DLG2: variants seen among roughly 807,000 people sequenced by gnomAD.
The protein encoded by DLG2 is discs large MAGUK scaffold protein 2.
DLG2 carries 45 observed loss-of-function variants against 132.5 expected under a neutral mutation model. The ratio of observed to expected loss-of-function variants is 0.34; its 90% CI spans 0.27 to 0.44. DLG2 has a LOEUF of 0.44. Among genes scored for constraint, DLG2 ranks in the 20% least tolerant of loss-of-function variants. The probability of loss-of-function intolerance (pLI) is 1.00; values close to 1 mark genes in which losing one functional copy is unlikely to be tolerated. For missense variants in DLG2, 1,045 were observed against 1,196.9 expected (o/e 0.87, Z 1.87); for synonymous variants, 424 against 419.6 (o/e 1.01, Z -0.13).
chr11:84,925,149 G>A (rs1018712919), intron 6 of DLG2, among the ~76,000 whole-genome samples: 6 of 152,134 alleles, frequency 3.9e-5, no homozygotes, highest in Non-Finnish European at 5.9e-5. Context: ...CTGGGAAAAT[G>A]AAATTTACCT....
chr11:83,850,160 G>GTGTGTTTTT (rs1452960432), intron 16 of DLG2, among the ~76,000 whole-genome samples: 7 of 124,304 alleles, frequency 5.6e-5, no homozygotes, highest in African/African-American at 2.5e-4. Flanking sequence ...GTGTGTGTGT[G>GTGTGTTTTT]TTTTTTTACT....
chr11:83,816,010 C>A (rs530448538), intron 17 of DLG2, among the ~76,000 whole-genome samples: 7 of 152,262 alleles, frequency 4.6e-5, no homozygotes, highest in Admixed American at 1.3e-4. Context: ...ATCACTGTGT[C>A]TAATTCCCTC....
At chr11:84,316,234 T>C (rs2098353484) in intron 7 of DLG2, among the ~76,000 whole-genome samples, 1 of 152,218 alleles carries the variant, frequency 6.6e-6, no homozygotes, top group Admixed American at 6.5e-5. Flanking sequence ...ATAAATTAAG[T>C]GCTTAATTCT....
rs141566006 is a variant in DLG2, at chr11:84,500,597, A to G, written c.519+33973T>C. 3.4e-3 allele frequency among the ~76,000 whole-genome samples: 519 copies of G among 152,310 alleles called. 3 individuals are homozygous for G. Among genetic ancestry groups the G allele is most frequent in the African/African-American group, 0.012 (499 of 41,562 alleles). On this transcript the variant is annotated intron_variant, in intron 7 of 27. Transcript: ENST00000376104. ...AAGTGTAATCTAGCTTTCGTCACCTAAATTCACTTTGCCTAAGGCAGGATA... is the reference window on the plus strand; with the variant it reads ...AAGTGTAATCTAGCTTTCGTCACCTGAATTCACTTTGCCTAAGGCAGGATA...
intron 7 of DLG2, among the ~76,000 whole-genome samples, chr11:84,452,377 G>A (rs1445358624): frequency 6.6e-6 from 1 of 151,704 alleles, no homozygotes; most frequent in Non-Finnish European, 1.5e-5. Flanking sequence ...CTTTTGCTAT[G>A]AATGAGACAG....
chr11:85,237,962 A>G (rs984410379), intron 4 of DLG2, among the ~76,000 whole-genome samples: 3 of 152,074 alleles, frequency 2.0e-5, no homozygotes, highest in African/African-American at 7.2e-5. Context: ...AAAATATTAT[A>G]GTAGAGTTTG....
intron 14 of DLG2, among the ~76,000 whole-genome samples, chr11:83,938,879 T>C (rs2082056386): frequency 6.6e-6 from 1 of 152,144 alleles, no homozygotes; most frequent in Non-Finnish European, 1.5e-5. Flanking sequence ...CTCTACAGCT[T>C]TCCCTTCAAG....
At chr11:85,061,169 C>A in intron 6 of DLG2, among the ~76,000 whole-genome samples, 1 of 151,842 alleles carries the variant, frequency 6.6e-6, no homozygotes, top group Non-Finnish European at 1.5e-5. Context: ...TTCTCCCATT[C>A]CATAGGTTGC....
At chr11:84,963,153 A>G (rs2052827177) in intron 6 of DLG2, among the ~76,000 whole-genome samples, 1 of 152,204 alleles carries the variant, frequency 6.6e-6, no homozygotes, top group Non-Finnish European at 1.5e-5. Context: ...ATCTCATAAA[A>G]TACAACTTTT....
chr11:85,276,314 C>T (rs148335757), intron 4 of DLG2, among the ~76,000 whole-genome samples: 23 of 152,164 alleles, frequency 1.5e-4, no homozygotes, highest in African/African-American at 4.8e-4. Context: ...AATGGGATTA[C>T]AGAATTTCAC....
intron 6 of DLG2, among the ~76,000 whole-genome samples, chr11:84,911,192 T>C (rs1317173234): frequency 6.6e-6 from 1 of 152,172 alleles, no homozygotes; most frequent in Non-Finnish European, 1.5e-5. Context: ...TTTTAAGGCA[T>C]CTTTCTTGGA....
chr11:84,908,126 T>TA (rs1184048854), intron 6 of DLG2, among the ~76,000 whole-genome samples: 1 of 151,558 alleles, frequency 6.6e-6, no homozygotes, highest in Non-Finnish European at 1.5e-5. Context: ...CAGCAATGTC[T>TA]AAAAAAAATA....
At chr11:84,951,705 A>C (rs1196771514) in intron 6 of DLG2, among the ~76,000 whole-genome samples, 1 of 150,726 alleles carries the variant, frequency 6.6e-6, no homozygotes, top group African/African-American at 2.4e-5. Context: ...ATATATATAC[A>C]CACACGTATA....
chr11:84,580,222 C>T (rs937500748), intron 6 of DLG2, among the ~76,000 whole-genome samples: 1 of 152,052 alleles, frequency 6.6e-6, no homozygotes, highest in African/African-American at 2.4e-5. Flanking sequence ...TTCATCAAGC[C>T]TCAGACATTT....
intron 6 of DLG2, among the ~76,000 whole-genome samples, chr11:84,889,761 G>A (rs1428927934): frequency 6.6e-6 from 1 of 152,154 alleles, no homozygotes; most frequent in Non-Finnish European, 1.5e-5. Context: ...TCATGCTGAG[G>A]GTTAGTTCAG....
intron 6 of DLG2, among the ~76,000 whole-genome samples, chr11:84,722,948 C>A (rs1413560360): frequency 6.6e-6 from 1 of 152,094 alleles, no homozygotes; most frequent in African/African-American, 2.4e-5. Flanking sequence ...ATTTTAGGAG[C>A]AAAACTCTGG....
At chr11:83,886,903 C>G (rs527755161) in intron 15 of DLG2, among the ~76,000 whole-genome samples, 2,852 of 149,744 alleles carry the variant, frequency 0.019, 33 homozygotes, top group Middle Eastern at 0.031. Context: ...AAACCAACGA[C>G]AACAAAGACA....
chr11:83,822,960 T>C (rs1392625029), intron 17 of DLG2, among the ~76,000 whole-genome samples: 5 of 152,098 alleles, frequency 3.3e-5, no homozygotes, highest in African/African-American at 1.2e-4. Context: ...GTTAGAAAAC[T>C]GTTGAACCCT....
At chr11:85,243,488 A>G (rs1277082286) in intron 4 of DLG2, among the ~76,000 whole-genome samples, 1 of 151,978 alleles carries the variant, frequency 6.6e-6, no homozygotes, top group Admixed American at 6.6e-5. Flanking sequence ...TGCTATGACT[A>G]CAAGTTACCA....
Sources: allele counts gnomAD v4.1 joint callset (sites outside exome capture counted in the v4.1 genomes callset), GRCh38; gene constraint gnomAD v4.1.1; transcripts MANE v1.5; gene names NCBI Gene and HGNC (gene_info 2026-07-23, HGNC 2026-07-21).